Variants in GRID1 observed in about 807,000 individuals in gnomAD.
The protein encoded by GRID1 is glutamate receptor ionotropic, delta-1.
GRID1 carries 28 observed loss-of-function variants against 98.0 expected under a neutral mutation model. That is an observed-to-expected ratio of 0.29 (90% confidence interval 0.21 to 0.39). The LOEUF is 0.39. GRID1 is among the 10% of genes least tolerant of loss of function. The pLI, the probability that GRID1 is intolerant of heterozygous loss-of-function variation, is 1.00. For synonymous variants in GRID1, 553 were observed against 538.5 expected (o/e 1.03, Z -0.37); for missense variants, 1,111 against 1,340.5 (o/e 0.83, Z 2.67).
chr10:85,889,056 C>T (rs1841157544), intron 5 of GRID1, among the ~76,000 whole-genome samples: 1 of 152,190 alleles, frequency 6.6e-6, no homozygotes, highest in Non-Finnish European at 1.5e-5. Flanking sequence ...ATGTAAACTT[C>T]TGCAGGTCTA....
chr10:86,288,287 G>C (rs563505304), intron 2 of GRID1, among the ~76,000 whole-genome samples: 78 of 152,318 alleles, frequency 5.1e-4, no homozygotes, highest in African/African-American at 1.9e-3. Context: ...AGGCATGGCT[G>C]ACCAAGAACA....
intron 8 of GRID1, among the ~76,000 whole-genome samples, chr10:85,755,764 C>G (rs1354328494): frequency 6.6e-6 from 1 of 152,060 alleles, no homozygotes; most frequent in Non-Finnish European, 1.5e-5. Context: ...CCCAAGAACC[C>G]CATTTCCTGG....
Position 85,968,204 on chromosome 10 carries a change from A to C in GRID1, c.727-51965T>G, listed in dbSNP as rs193302158. ...AGTGGCTCACTCCTGTAATCCCAGC[A>C]CTTTGGGAGGCCGAGGCGGGTGGAT... On this transcript the variant is annotated intron_variant, in intron 4 of 15. Coordinates refer to ENST00000327946, the MANE Select transcript of GRID1 (RefSeq NM_017551.3). Among the ~76,000 whole-genome samples, 595 of 152,198 alleles carry C rather than the reference A, an allele frequency of 3.9e-3. 2 individuals carry two copies. The highest frequency in any genetic ancestry group is 0.014 in the African/African-American group (562 of 41,534).
intron 3 of GRID1, among the ~76,000 whole-genome samples, chr10:86,205,302 G>A (rs545531671): frequency 5.3e-5 from 8 of 152,290 alleles, no homozygotes; most frequent in East Asian, 1.9e-4. Context: ...GGCACCAGCC[G>A]TGGGGCTGCC....
intron 2 of GRID1, among the ~76,000 whole-genome samples, chr10:86,315,866 C>T (rs533127331): frequency 6.6e-6 from 1 of 152,268 alleles, no homozygotes; most frequent in East Asian, 1.9e-4. Context: ...CATCCATCTA[C>T]ACATCATCCC....
At chr10:85,877,721 C>A (rs2131800094) in intron 5 of GRID1, among the ~76,000 whole-genome samples, 1 of 152,346 alleles carries the variant, frequency 6.6e-6, no homozygotes, top group Middle Eastern at 3.4e-3. Flanking sequence ...CACCTCTCCT[C>A]CTCCAAAGGA....
intron 2 of GRID1, among the ~76,000 whole-genome samples, chr10:86,227,969 C>A (rs184711959): frequency 2.7e-3 from 410 of 152,000 alleles, no homozygotes; most frequent in Non-Finnish European, 4.1e-3. Context: ...GATGGGTGGG[C>A]AGACTGATGG....
intron 8 of GRID1, among the ~76,000 whole-genome samples, chr10:85,821,595 T>C (rs1227210426): frequency 1.3e-5 from 2 of 149,966 alleles, no homozygotes; most frequent in Non-Finnish European, 3.0e-5. Context: ...GAGACATGGA[T>C]TGCAAAGAAG....
chr10:86,071,694 G>A (rs1420054585), intron 4 of GRID1, among the ~76,000 whole-genome samples: 1 of 152,208 alleles, frequency 6.6e-6, no homozygotes, highest in Non-Finnish European at 1.5e-5. Flanking sequence ...CTATAGGCAT[G>A]CTGAGGGAGG....
At chr10:86,355,462 A>G (rs1207247105) in intron 2 of GRID1, among the ~76,000 whole-genome samples, 2 of 152,342 alleles carry the variant, frequency 1.3e-5, no homozygotes, top group Non-Finnish European at 2.9e-5. Context: ...CATGTCCCAC[A>G]CCTGGGTGGA....
intron 12 of GRID1, among the ~76,000 whole-genome samples, chr10:85,707,898 G>A (rs1252867761): frequency 1.3e-5 from 2 of 151,964 alleles, no homozygotes; most frequent in Non-Finnish European, 2.9e-5. Flanking sequence ...TCACTCATAG[G>A]TGGGAATTGA....
chr10:85,934,386 T>G (rs1243691415), intron 4 of GRID1, among the ~76,000 whole-genome samples: 1 of 148,788 alleles, frequency 6.7e-6, no homozygotes, highest in East Asian at 2.0e-4. Context: ...AAATATGGAA[T>G]GGAAGAACCC....
intron 12 of GRID1, among the ~76,000 whole-genome samples, chr10:85,674,107 T>C (rs1841117775): frequency 6.6e-6 from 1 of 152,222 alleles, no homozygotes; most frequent in South Asian, 2.1e-4. Context: ...TGTGGCCAGT[T>C]CAGATGCAAT....
intron 4 of GRID1, among the ~76,000 whole-genome samples, chr10:85,928,907 C>G (rs1217966619): frequency 2.0e-5 from 3 of 152,152 alleles, no homozygotes; most frequent in Admixed American, 6.5e-5. Context: ...AGACTAGTAC[C>G]CTGTTTGATC....
chr10:86,287,921 C>T (rs1847458390), intron 2 of GRID1, among the ~76,000 whole-genome samples: 1 of 151,922 alleles, frequency 6.6e-6, no homozygotes, highest in Non-Finnish European at 1.5e-5. Context: ...CAGGAAATTG[C>T]TCCTTAGCCA....
At chr10:86,306,846 C>T (rs1847764927) in intron 2 of GRID1, among the ~76,000 whole-genome samples, 1 of 152,218 alleles carries the variant, frequency 6.6e-6, no homozygotes, top group South Asian at 2.1e-4. Flanking sequence ...ATAACTGTGT[C>T]TTCCTGGCGC....
At chr10:85,920,125 G>T (rs947342779) in intron 4 of GRID1, among the ~76,000 whole-genome samples, 2 of 152,064 alleles carry the variant, frequency 1.3e-5, no homozygotes, top group Non-Finnish European at 2.9e-5. Context: ...CACCTTGTTT[G>T]GCTTCCTTTA....
chr10:86,344,612 G>C (rs533880395), intron 2 of GRID1, among the ~76,000 whole-genome samples: 1 of 152,324 alleles, frequency 6.6e-6, no homozygotes, highest in East Asian at 1.9e-4. Flanking sequence ...AGCCTCTTTT[G>C]GAGCCAAAGT....
chr10:86,260,450 A>G lies in GRID1; in HGVS notation c.236-53802T>C, dbSNP rs942843474. Among the ~76,000 whole-genome samples the G allele has an allele frequency of 4.6e-5, 7 of 152,196 alleles. No homozygotes were observed. In the East Asian group the frequency reaches 1.2e-3, roughly 25 times the overall value. On this transcript the variant is annotated intron_variant, in intron 2 of 15. Transcript: ENST00000327946. ...CTTCTATGCTCCCACCACCCCAACCATGTGTCCCACTCTGTCTTCCTGGTT... is the reference window on the plus strand; with the variant it reads ...CTTCTATGCTCCCACCACCCCAACCGTGTGTCCCACTCTGTCTTCCTGGTT...
Sources: gnomAD v4.1 joint callset for allele counts (sites outside exome capture counted in the v4.1 genomes callset) on GRCh38, gnomAD v4.1.1 for gene constraint, MANE v1.5 for transcripts, NCBI Gene and HGNC (gene_info 2026-07-23, HGNC 2026-07-21) for gene names.